The following ZFAND3 variants were observed in gnomAD, a reference collection of about 807,000 sequenced individuals.
ZFAND3 encodes AN1-type zinc finger protein 3.
ZFAND3 carries 10 observed loss-of-function variants against 29.6 expected under a neutral mutation model. The observed-to-expected ratio is 0.34, with a 90% CI of 0.21 to 0.57. The LOEUF (loss-of-function observed/expected upper bound fraction) is 0.57. ZFAND3 is among the 20% of genes least tolerant of loss of function. ZFAND3 has a pLI of 0.86. For synonymous variants in ZFAND3, 128 were observed against 112.6 expected, an observed-to-expected ratio of 1.14 and a Z score of -0.87; for missense variants, 230 against 304.5, an observed-to-expected ratio of 0.76 and a Z score of 1.82.
At chr6:37,951,592 A>T (rs930242509) in intron 2 of ZFAND3, among the ~76,000 whole-genome samples, 1 of 151,058 alleles carries the variant, frequency 6.6e-6, no homozygotes, top group Admixed American at 6.6e-5. Flanking sequence ...GACTCTGTCT[A>T]AAAAAAATAA....
chr6:38,144,215 TATAATA>T, intron 5 of ZFAND3, among the ~76,000 whole-genome samples: 2 of 40,838 alleles, frequency 4.9e-5, no homozygotes, highest in East Asian at 8.0e-4. Flanking sequence ...ATATATAATA[TATAATA>T]TATATATATA....
At chr6:38,030,557 A>G (rs532548278) in intron 2 of ZFAND3, among the ~76,000 whole-genome samples, 1 of 152,342 alleles carries the variant, frequency 6.6e-6, no homozygotes, top group Non-Finnish European at 1.5e-5. Flanking sequence ...TTTCATTCCA[A>G]GAAGCAGTGA....
At chr6:37,851,207 G>A (rs1366710564) in intron 1 of ZFAND3, among the ~76,000 whole-genome samples, 8 of 149,622 alleles carry the variant, frequency 5.3e-5, no homozygotes, top group African/African-American at 1.7e-4. Context: ...GGCTGGTCTC[G>A]AACTCCTGAC....
intron 1 of ZFAND3, among the ~76,000 whole-genome samples, chr6:37,862,575 T>G (rs1764512509): frequency 6.6e-6 from 1 of 151,080 alleles, no homozygotes; most frequent in Admixed American, 6.6e-5. Context: ...GCTCAGCTAC[T>G]CAGGAGGTTG....
rs1554183997 is a variant in ZFAND3, at chr6:38,144,218, A to ATATATATATATAAT, written c.530-8017_530-8016insTATATATATATAAT. Among the ~76,000 whole-genome samples the ATATATATATATAAT allele has an allele frequency of 1.1e-3, 34 of 31,432 alleles. 1 individual carries two copies. Among genetic ancestry groups the ATATATATATATAAT allele is most frequent in the African/African-American group, 4.3e-3 (23 of 5,390 alleles). The allele number at this position is 31,432 out of a possible 152,430, so 20.6% of individuals were successfully genotyped here. A position where few individuals can be genotyped will look rare whatever the true frequency, so the allele number is the denominator to read the frequency against. ...ATATATATATATATATATAATATAT[A>ATATATATATATAAT]ATATATATATATATTTTTTTTTTAA... On this transcript the variant is annotated intron_variant, in intron 5 of 5. Transcript: ENST00000287218.
At chr6:37,897,594 T>TTAC (rs1242844319) in intron 1 of ZFAND3, among the ~76,000 whole-genome samples, 2 of 152,194 alleles carry the variant, frequency 1.3e-5, no homozygotes, top group African/African-American at 4.8e-5. Context: ...CTATACCAGT[T>TTAC]TACTCTCCCA....
intron 4 of ZFAND3, 55 bp from the exon 5 acceptor site, chr6:38,116,517 T>C: frequency 6.5e-7 from 1 of 1,548,608 alleles, no homozygotes; most frequent in Non-Finnish European, 8.8e-7. Context: ...ATTAATCAAC[T>C]GTGCTTGCCA....
intron 2 of ZFAND3, among the ~76,000 whole-genome samples, chr6:37,970,778 G>A (rs1022278329): frequency 3.3e-5 from 5 of 152,076 alleles, no homozygotes; most frequent in Admixed American, 6.6e-5. Flanking sequence ...GGTGGCGGGC[G>A]CCTGTAGTCC....
Position 37,843,831 on chromosome 6 carries a change from T to TA in ZFAND3, c.71+23828dup, listed in dbSNP as rs370695472. Among the ~76,000 whole-genome samples, 201 of 140,120 alleles carry TA rather than the reference T, an allele frequency of 1.4e-3. 1 individual carries two copies. The highest frequency in any genetic ancestry group is 3.6e-3 in the Middle Eastern group (1 of 280). The allele number at this position is 140,120 out of a possible 152,430, so 91.9% of individuals were successfully genotyped here. A position where few individuals can be genotyped will look rare whatever the true frequency, so the allele number is the denominator to read the frequency against. On this transcript the variant is annotated intron_variant, in intron 1 of 5. Transcript: ENST00000287218. ...TGTCCTTGTGTATCCTTGTAGTTTC[T>TA]AAAAAAAAAAAAAGCTAATTTGAAC...
chr6:37,855,187 C>T (rs11757161), intron 1 of ZFAND3, among the ~76,000 whole-genome samples: 31,847 of 149,480 alleles, frequency 0.21, 4,239 homozygotes, highest in African/African-American at 0.36. Context: ...CTCTGTTGCC[C>T]AGGCTGGAGT....
At chr6:37,920,164 A>G (rs192884292) in intron 1 of ZFAND3, among the ~76,000 whole-genome samples, 211 of 151,036 alleles carry the variant, frequency 1.4e-3, no homozygotes, top group African/African-American at 4.6e-3. Flanking sequence ...CTGAAAGATA[A>G]CTTTAGGGAA....
chr6:37,882,092 A>T (rs1432537986), intron 1 of ZFAND3, among the ~76,000 whole-genome samples: 2 of 152,120 alleles, frequency 1.3e-5, no homozygotes, highest in Admixed American at 1.3e-4. Flanking sequence ...GATAGCTCTG[A>T]CATTAGGGTC....
chr6:37,867,205 G>GT (rs1303196864), intron 1 of ZFAND3, among the ~76,000 whole-genome samples: 1 of 152,224 alleles, frequency 6.6e-6, no homozygotes, highest in Non-Finnish European at 1.5e-5. Flanking sequence ...TTAAAGTGAA[G>GT]TGCATGTTGT....
chr6:38,054,276 C>T (rs1764090118), intron 2 of ZFAND3, among the ~76,000 whole-genome samples: 1 of 150,142 alleles, frequency 6.7e-6, no homozygotes, highest in Non-Finnish European at 1.5e-5. Context: ...CACCTATAGT[C>T]CCAGCTACTC....
intron 2 of ZFAND3, among the ~76,000 whole-genome samples, chr6:37,973,703 C>A (rs565279841): frequency 6.6e-6 from 1 of 152,288 alleles, no homozygotes; most frequent in African/African-American, 2.4e-5. Context: ...GAAAGTGATC[C>A]TTTGTGATTT....
intron 1 of ZFAND3, among the ~76,000 whole-genome samples, chr6:37,898,840 C>A (rs1189667100): frequency 6.6e-6 from 1 of 152,166 alleles, no homozygotes; most frequent in Non-Finnish European, 1.5e-5. Flanking sequence ...TTACAGATTT[C>A]TTTCCATGAT....
At chr6:37,928,436 G>T (rs141693013) in intron 1 of ZFAND3, among the ~76,000 whole-genome samples, 9 of 152,328 alleles carry the variant, frequency 5.9e-5, no homozygotes, top group South Asian at 2.1e-4. Context: ...TTGGAAGGAA[G>T]AGCTGTTAAG....
chr6:38,093,418 T>G (rs564509689), intron 4 of ZFAND3, among the ~76,000 whole-genome samples: 2 of 152,212 alleles, frequency 1.3e-5, no homozygotes, highest in African/African-American at 2.4e-5. Flanking sequence ...AGTTAAATTA[T>G]TATAGTCCTA....
intron 1 of ZFAND3, among the ~76,000 whole-genome samples, chr6:37,851,404 A>G (rs1764278275): frequency 6.6e-6 from 1 of 152,174 alleles, no homozygotes; most frequent in South Asian, 2.1e-4. Flanking sequence ...CCACCAAAAA[A>G]GGATAAGTTC....
Sources: allele counts gnomAD v4.1 joint callset (sites outside exome capture counted in the v4.1 genomes callset), GRCh38; gene constraint gnomAD v4.1.1; transcripts MANE v1.5; gene names NCBI Gene and HGNC (gene_info 2026-07-23, HGNC 2026-07-21).